CNTN5: variants seen among roughly 807,000 people sequenced by gnomAD.
CNTN5 encodes the protein contactin 5, also known as contactin-5.
Under a neutral mutation model 129.1 loss-of-function variants are expected in CNTN5, and 77 were observed. The observed-to-expected ratio is 0.60, with a 90% CI of 0.50 to 0.72. The LOEUF is 0.72. CNTN5 is among the 30% of genes least tolerant of loss of function. The pLI is 0.00. For missense variants in CNTN5, 1,478 were observed against 1,328.8 expected (o/e 1.11, Z -1.75); for synonymous variants, 509 against 465.6 (o/e 1.09, Z -1.20).
chr11:99,451,674 T>C (rs1260756757), intron 2 of CNTN5, among the ~76,000 whole-genome samples: 1 of 152,224 alleles, frequency 6.6e-6, no homozygotes, highest in Non-Finnish European at 1.5e-5. Context: ...AAATTATCCT[T>C]ACAGTTGATG....
At chr11:99,701,827 GCTGC>G (rs1954534082) in intron 3 of CNTN5, among the ~76,000 whole-genome samples, 1 of 150,968 alleles carries the variant, frequency 6.6e-6, no homozygotes, top group Non-Finnish European at 1.5e-5. Flanking sequence ...CATAGATTCT[GCTGC>G]CTTTGGCTCT....
intron 9 of CNTN5, among the ~76,000 whole-genome samples, chr11:100,037,370 C>T (rs936452117): frequency 5.9e-5 from 9 of 151,842 alleles, no homozygotes; most frequent in African/African-American, 1.9e-4. Flanking sequence ...TTTGGTTTGC[C>T]AGTATTTTAT....
chr11:99,421,739 A>T (rs183661644), intron 2 of CNTN5, among the ~76,000 whole-genome samples: 1 of 152,282 alleles, frequency 6.6e-6, no homozygotes. Flanking sequence ...AAGTTAGATC[A>T]GAGTGTTGTT....
chr11:99,987,149 C>A (rs1377578915), intron 8 of CNTN5, among the ~76,000 whole-genome samples: 1 of 152,062 alleles, frequency 6.6e-6, no homozygotes, highest in Non-Finnish European at 1.5e-5. Flanking sequence ...CTGTCACCCA[C>A]ATATATAGTT....
intron 2 of CNTN5, among the ~76,000 whole-genome samples, chr11:99,358,337 G>C (rs570609593): frequency 7.2e-6 from 1 of 138,514 alleles, no homozygotes; most frequent in Non-Finnish European, 1.5e-5. Flanking sequence ...CTCGTGATCC[G>C]CCAGCCTCGG....
At chr11:99,680,220 T>C (rs929626630) in intron 3 of CNTN5, among the ~76,000 whole-genome samples, 6 of 152,154 alleles carry the variant, frequency 3.9e-5, no homozygotes, top group African/African-American at 4.8e-5. Flanking sequence ...ATTTTCAATA[T>C]AGATGAAACA....
At chr11:99,646,236 A>G (rs928792777) in intron 3 of CNTN5, among the ~76,000 whole-genome samples, 10 of 152,242 alleles carry the variant, frequency 6.6e-5, no homozygotes, top group African/African-American at 2.4e-4. Flanking sequence ...GCCTGTTACA[A>G]GTGAAGAAGC....
intron 2 of CNTN5, among the ~76,000 whole-genome samples, chr11:99,376,506 A>T (rs189510310): frequency 6.0e-4 from 91 of 152,296 alleles, no homozygotes; most frequent in African/African-American, 2.1e-3. Flanking sequence ...CAATTATAAA[A>T]TTGTCCTTGT....
chr11:99,622,960 G>A (rs967499938), intron 3 of CNTN5, among the ~76,000 whole-genome samples: 12 of 152,036 alleles, frequency 7.9e-5, no homozygotes, highest in African/African-American at 2.2e-4. Context: ...TTAAATTAGT[G>A]TCTGTCTCAA....
intron 1 of CNTN5, among the ~76,000 whole-genome samples, chr11:99,066,424 G>T (rs113388113): frequency 0.027 from 4,050 of 152,134 alleles, 150 homozygotes; most frequent in African/African-American, 0.078. Context: ...TATTCTAATG[G>T]CCATTACTGC....
intron 2 of CNTN5, among the ~76,000 whole-genome samples, chr11:99,524,246 A>C (rs1403342333): frequency 6.6e-6 from 1 of 152,084 alleles, no homozygotes; most frequent in East Asian, 1.9e-4. Flanking sequence ...TATTTGGAGG[A>C]TATTCCCTGA....
At chr11:100,235,961 A>G (rs2138664763) in intron 16 of CNTN5, among the ~76,000 whole-genome samples, 1 of 152,106 alleles carries the variant, frequency 6.6e-6, no homozygotes, top group Middle Eastern at 3.4e-3. Context: ...GTACTCAGAC[A>G]CAGGTATGCA....
chr11:99,778,928 C>T (rs915983458), intron 3 of CNTN5, among the ~76,000 whole-genome samples: 5 of 150,994 alleles, frequency 3.3e-5, no homozygotes, highest in Non-Finnish European at 5.9e-5. Flanking sequence ...TCAAATAATT[C>T]TATATAAGTA....
chr11:99,835,751 T>C (rs1287293139), intron 4 of CNTN5, among the ~76,000 whole-genome samples: 2 of 152,196 alleles, frequency 1.3e-5, no homozygotes, highest in Non-Finnish European at 2.9e-5. Context: ...ACTGGAGCAC[T>C]ATAACTGGTC....
chr11:99,483,753 A>T (rs902390685), intron 2 of CNTN5, among the ~76,000 whole-genome samples: 1 of 152,140 alleles, frequency 6.6e-6, no homozygotes, highest in Non-Finnish European at 1.5e-5. Context: ...ATTAGTATAG[A>T]AGCATAAAAG....
At chr11:99,934,970 T>G in intron 7 of CNTN5, among the ~76,000 whole-genome samples, 1 of 141,654 alleles carries the variant, frequency 7.1e-6, no homozygotes. Flanking sequence ...ATATGGTGAT[T>G]AGTCCTAAAA....
At chr11:100,210,544 T>C (rs532995395) in intron 15 of CNTN5, among the ~76,000 whole-genome samples, 8 of 145,074 alleles carry the variant, frequency 5.5e-5, no homozygotes, top group East Asian at 2.1e-4. Context: ...TCAAAAGATA[T>C]TTGAAGATAA....
intron 6 of CNTN5, among the ~76,000 whole-genome samples, chr11:99,853,198 G>C (rs969243685): frequency 2.0e-5 from 3 of 152,140 alleles, no homozygotes; most frequent in Admixed American, 6.5e-5. Flanking sequence ...AATTACACCT[G>C]AGTCAAAGAA....
intron 1 of CNTN5, among the ~76,000 whole-genome samples, chr11:99,091,738 T>A (rs907918390): frequency 2.0e-5 from 3 of 152,206 alleles, no homozygotes; most frequent in African/African-American, 7.2e-5. Context: ...TCTCATTAGC[T>A]AAAGGCTGGT....
Sources: allele counts gnomAD v4.1 joint callset (sites outside exome capture counted in the v4.1 genomes callset), GRCh38; gene constraint gnomAD v4.1.1; transcripts MANE v1.5; gene names NCBI Gene and HGNC (gene_info 2026-07-23, HGNC 2026-07-21).